Variants in MAP9 observed in about 807,000 individuals in gnomAD.
The protein encoded by MAP9 is microtubule associated protein 9.
Under a neutral mutation model 75.2 loss-of-function variants are expected in MAP9, and 80 were observed. The observed-to-expected ratio is 1.06, with a 90% CI of 0.89 to 1.28. MAP9 has a LOEUF of 1.28. Ranked by LOEUF, MAP9 falls within the 50% of genes most tolerant of loss-of-function variation. The pLI, the probability that MAP9 is intolerant of heterozygous loss-of-function variation, is 0.00. For synonymous variants in MAP9, 235 were observed against 237.3 expected (o/e 0.99, Z 0.09); for missense variants, 753 against 719.9 (o/e 1.05, Z -0.53).
chr4:155,344,114 C>G lies in MAP9; in HGVS notation c.*3669G>C, dbSNP rs939185353. On this transcript the variant is annotated 3_prime_UTR_variant, in exon 14 of 14. Transcript: ENST00000311277. ...TAATTTCCCCTACTTTGTGAAATTC[C>G]TTTTCTTTATTGTATCTTAGTCCAT... The G allele has an allele frequency of 2.4e-4, 37 of 151,840 alleles. No individual in the cohort carries two copies. The highest frequency in any genetic ancestry group is 8.7e-4 in the African/African-American group (36 of 41,386). 9.4% of individuals were successfully genotyped at this position (151,840 alleles called of 1,614,324 possible).
intron 8 of MAP9, among the ~76,000 whole-genome samples, chr4:155,356,701 T>C (rs1234001591): frequency 6.6e-6 from 1 of 152,156 alleles, no homozygotes; most frequent in African/African-American, 2.4e-5. Context: ...TAATCATTCA[T>C]GTTAAGTTTT....
chr4:155,357,688 C>A (rs1395332606), intron 7 of MAP9, among the ~76,000 whole-genome samples, 169 bp from the exon 8 acceptor site: 1 of 152,074 alleles, frequency 6.6e-6, no homozygotes, highest in Non-Finnish European at 1.5e-5. Flanking sequence ...ATATTAAATT[C>A]TAGAGACGGA....
chr4:155,353,208 TTTC>T lies in MAP9; in HGVS notation c.1510_1512del (p.Glu504del). ...AGTGCTTCTCCTTTTCTTGCAGCAT[TTTC>T]TTCTTCAGTTTTCTTCTTGTTTTTT... On this transcript the variant is annotated inframe_deletion, in exon 11 of 14. Transcript: ENST00000311277. 6.3e-7 allele frequency: 1 copy of T among 1,598,598 alleles called. No homozygotes were observed. Among genetic ancestry groups the T allele is most frequent in the Non-Finnish European group, 8.5e-7 (1 of 1,174,384 alleles).
In MAP9 at chr4:155,355,879, A is replaced by G. The variant is rs1731758001; in HGVS notation, c.1127T>C (p.Met376Thr). ...NRASSASARL[M>T]TSEFLKKSSS... The stretch of plus-strand genomic sequence containing the variant: ...AGATTTCTTCAAAAACTCAGAGGTC[A>G]TTAATCTGAAAAGATCCAAATGAAT... Residue 376 changes from methionine to threonine, a missense_variant, in exon 9 of 14, where the codon ATG becomes ACG. Met to Thr is a moderately conservative substitution (Grantham distance 81, BLOSUM62 -1). Coordinates refer to ENST00000311277, the MANE Select transcript of MAP9 (RefSeq NM_001039580.2). 1.2e-6 allele frequency: 2 copies of G among 1,610,278 alleles called. 1 individual carries two copies. The highest frequency in any genetic ancestry group is 4.5e-5 in the East Asian group (2 of 44,800).
At chr4:155,355,659 G>A in intron 9 of MAP9, 57 bp downstream of exon 9, 1 of 1,347,826 alleles carries the variant, frequency 7.4e-7, no homozygotes, top group East Asian at 2.3e-5. Flanking sequence ...TTTATAAACA[G>A]TGTAGGCTTA....
At chr4:155,367,314 A>T (rs12641675) in intron 5 of MAP9, 47,777 of 152,048 alleles carry the variant, frequency 0.31, 8,464 homozygotes, top group East Asian at 0.63. Flanking sequence ...AAGGCAGAGA[A>T]GGGAATGATG....
At position 155,343,685 on chromosome 4, in the gene MAP9, C is replaced by T. The variant is rs1266107859; in HGVS notation, c.*4098G>A. On this transcript the variant is annotated 3_prime_UTR_variant, in exon 14 of 14. Transcript: ENST00000311277. ...AAATCTTGAATGGTTGATTTTAATACACTAAACATTACATGAAAATATATG... is the reference window on the plus strand; with the variant it reads ...AAATCTTGAATGGTTGATTTTAATATACTAAACATTACATGAAAATATATG... 4 of 123,034 alleles carry T rather than the reference C, an allele frequency of 3.3e-5. No individual in the cohort carries two copies. In the East Asian group the frequency reaches 1.1e-3, roughly 34 times the overall value. The allele number at this position is 123,034 out of a possible 1,614,324, so 7.6% of individuals were successfully genotyped here.
At chr4:155,355,987 A>T in intron 8 of MAP9, 103 bp from the exon 9 acceptor site, 11 of 1,020,486 alleles carry the variant, frequency 1.1e-5, no homozygotes, top group Non-Finnish European at 1.6e-5. Flanking sequence ...CTGGCCAGGC[A>T]TGATGGCTCA....
At chr4:155,376,609 G>A (rs1732859949) in intron 1 of MAP9, 162 bp downstream of exon 1, 1 of 152,664 alleles carries the variant, frequency 6.6e-6, no homozygotes, top group Non-Finnish European at 1.5e-5. Context: ...GCCGTATGCT[G>A]AGCACCAGCG....
chr4:155,360,869 A>T (rs116813713), intron 6 of MAP9: 2,768 of 159,770 alleles, frequency 0.017, 30 homozygotes, highest in East Asian at 0.046. Context: ...CTGCAGAAAG[A>T]ACCAAGAATT....
At chr4:155,369,361 AC>A (rs1369179625) in intron 4 of MAP9, among the ~76,000 whole-genome samples, 1 of 146,826 alleles carries the variant, frequency 6.8e-6, no homozygotes, top group African/African-American at 2.5e-5. Context: ...AACAACAACA[AC>A]AAAAAAAAAA....
In MAP9 at chr4:155,342,761, A is replaced by C. The variant is rs957773307; in HGVS notation, c.*5022T>G. 6.6e-6 allele frequency: 1 copy of C among 152,090 alleles called. No homozygotes were observed. The highest frequency in any genetic ancestry group is 1.5e-5 in the Non-Finnish European group (1 of 67,972). The allele number at this position is 152,090 out of a possible 1,614,324, so 9.4% of individuals were successfully genotyped here. Reference sequence around the variant, plus strand: ...CTTGCACACGCACTGCAGCAAGGTTAATCCTGTATGTGAAAACCTCTGAGT... The same window carrying C: ...CTTGCACACGCACTGCAGCAAGGTTCATCCTGTATGTGAAAACCTCTGAGT... On this transcript the variant is annotated 3_prime_UTR_variant, in exon 14 of 14. Transcript: ENST00000311277.
chr4:155,375,652 C>T (rs1732806280), intron 2 of MAP9, 124 bp downstream of exon 2: 3 of 525,206 alleles, frequency 5.7e-6, no homozygotes, highest in Non-Finnish European at 9.7e-6. Context: ...TGATCATGTG[C>T]AAAACCTCAA....
chr4:155,362,012 G>T, intron 6 of MAP9, 36 bp downstream of exon 6: 1 of 1,211,344 alleles, frequency 8.3e-7, no homozygotes, highest in Non-Finnish European at 1.2e-6. Flanking sequence ...GTAGTACAGA[G>T]TTCACATATA....
chr4:155,345,311 A>C lies in MAP9; in HGVS notation c.*2472T>G, dbSNP rs1560797587. ...TGTTATTTATCATAGTAAGACAAAA[A>C]AAATTTGAAGTGAATGACTTGTTGG... On this transcript the variant is annotated 3_prime_UTR_variant, in exon 14 of 14. Transcript: ENST00000311277. 1 of 152,056 alleles carries C rather than the reference A, an allele frequency of 6.6e-6. No homozygotes were observed. Among genetic ancestry groups the C allele is most frequent in the African/African-American group, 2.4e-5 (1 of 41,428 alleles). The allele number at this position is 152,056 out of a possible 1,614,324, so 9.4% of individuals were successfully genotyped here.
intron 10 of MAP9, 132 bp from the exon 11 acceptor site, chr4:155,353,472 AC>A: frequency 4.0e-6 from 3 of 746,200 alleles, no homozygotes; most frequent in Non-Finnish European, 5.5e-6. Flanking sequence ...TTAGAAATTA[AC>A]TTTCAAAGTA....
Position 155,373,400 on chromosome 4 carries a change from T to G in MAP9, c.217A>C (p.Met73Leu), listed in dbSNP as rs759729448. 1 of 1,596,088 alleles carries G rather than the reference T, an allele frequency of 6.3e-7. No individual in the cohort carries two copies. Among genetic ancestry groups the G allele is most frequent in the African/African-American group, 1.3e-5 (1 of 74,224 alleles). Residue 73 changes from methionine to leucine, a missense_variant, in exon 4 of 14, where the codon ATG becomes CTG. By Grantham distance (15) the Met-to-Leu change is conservative. Transcript: ENST00000311277. ...TCATCTGATATATGAAAGTCATTCA[T>G]TTTTTTATTAACTGAATTTTCATCT... ...SADENSVNKK[M>L]NDFHISDDEE...
rs370726995 is a variant in MAP9 at position 155,362,099 on chromosome 4, T to C, written c.751A>G (p.Ile251Val). The C allele has an allele frequency of 2.8e-5, 45 of 1,599,234 alleles. No homozygotes were observed. The highest frequency in any genetic ancestry group is 1.1e-4 in the Admixed American group (6 of 55,550). Residue 251 changes from isoleucine (I) to valine (V), a missense_variant, in exon 6 of 14, where the codon ATT becomes GTT. Ile to Val is a conservative substitution (Grantham distance 29). Coordinates refer to ENST00000311277, the MANE Select transcript of MAP9 (RefSeq NM_001039580.2). ...TSLASSSLKQ[I>V]LGDSFSPGSE... Reference sequence around the variant, plus strand: ...CCTGGTGAAAAAGAATCTCCAAGAATTTGTTTAAGTGATGATGATGCTAGA... The same window carrying C: ...CCTGGTGAAAAAGAATCTCCAAGAACTTGTTTAAGTGATGATGATGCTAGA...
At chr4:155,349,209 G>GA (rs1184473413) in intron 13 of MAP9, among the ~76,000 whole-genome samples, 95 of 834 alleles carry the variant, frequency 0.11, no homozygotes, top group African/African-American at 0.22. Flanking sequence ...CTGAGAGTGG[G>GA]AAAAAAAATG....
Sources: allele counts gnomAD v4.1 joint callset (sites outside exome capture counted in the v4.1 genomes callset), GRCh38; gene constraint gnomAD v4.1.1; transcripts MANE v1.5; gene names NCBI Gene and HGNC (gene_info 2026-07-23, HGNC 2026-07-21).